The following USP38 variants were observed in gnomAD, a reference collection of about 807,000 sequenced individuals.
USP38 encodes ubiquitin specific peptidase 38, also known as ubiquitin carboxyl-terminal hydrolase 38.
A neutral mutation model predicts 94.3 loss-of-function variants in USP38; 49 were observed. The observed-to-expected ratio is 0.52, with a 90% confidence interval of 0.41 to 0.66. The LOEUF is 0.66. Ranked by LOEUF, USP38 falls within the 30% of genes least tolerant of loss-of-function variation. The pLI is 0.00. For missense variants in USP38, 1,128 were observed against 1,229.4 expected (o/e 0.92, Z 1.23); for synonymous variants, 468 against 463.6 (o/e 1.01, Z -0.12).
intron 9 of USP38, among the ~76,000 whole-genome samples, chr4:143,219,676 G>T (rs185689355): frequency 1.2e-4 from 18 of 152,110 alleles, no homozygotes; most frequent in African/African-American, 3.9e-4. Flanking sequence ...TTAGAATCCA[G>T]TTGTATACCT....
At chr4:143,207,450 A>G (rs1731901464) in intron 6 of USP38, among the ~76,000 whole-genome samples, 1 of 152,184 alleles carries the variant, frequency 6.6e-6, no homozygotes, top group Non-Finnish European at 1.5e-5. Context: ...AGGCAGGAGA[A>G]TCACTTGAAC....
At chr4:143,210,174 C>T (rs1471702274) in intron 7 of USP38, among the ~76,000 whole-genome samples, 1 of 152,076 alleles carries the variant, frequency 6.6e-6, no homozygotes, top group Non-Finnish European at 1.5e-5. Context: ...TCTTTTATGT[C>T]CACACATTAA....
intron 6 of USP38, among the ~76,000 whole-genome samples, chr4:143,208,872 G>A (rs1470658502): frequency 6.6e-6 from 1 of 150,552 alleles, no homozygotes; most frequent in East Asian, 1.9e-4. Flanking sequence ...TACTTCAGTA[G>A]TTTTGTATTT....
intron 6 of USP38, among the ~76,000 whole-genome samples, chr4:143,207,904 C>G (rs10026322): frequency 1.8e-3 from 274 of 152,092 alleles, no homozygotes; most frequent in African/African-American, 6.3e-3. Flanking sequence ...TATTTTATTT[C>G]TTAAGTAATA....
At chr4:143,186,827 T>C (rs1323865580) in intron 1 of USP38, among the ~76,000 whole-genome samples, 2 of 152,218 alleles carry the variant, frequency 1.3e-5, no homozygotes. Context: ...CCTTCGTTGT[T>C]CTGTCTTGGA....
At position 143,186,073 on chromosome 4, in the gene USP38, C is replaced by T; in HGVS notation, c.623C>T (p.Ala208Val). ...AACTTGCTGCAGAACATCTGGAAGG[C>T]CGAGCCTGCCACACTACTGCCTTCC... ...VSNLLQNIWK[A>V]EPATLLPSLQ... The change falls in exon 1 of 10, where the codon GCC (alanine) becomes GTC (valine). Residue 208 changes from alanine (A) to valine (V), a missense_variant. Coordinates refer to ENST00000307017, the MANE Select transcript of USP38 (RefSeq NM_032557.6). 1 of 1,614,180 alleles carries T rather than the reference C, an allele frequency of 6.2e-7. No individual in the cohort carries two copies. The highest frequency in any genetic ancestry group is 8.5e-7 in the Non-Finnish European group (1 of 1,180,032).
chr4:143,187,309 T>A (rs933496477), intron 1 of USP38, among the ~76,000 whole-genome samples: 1 of 152,162 alleles, frequency 6.6e-6, no homozygotes, highest in East Asian at 1.9e-4. Flanking sequence ...AGTTTTAAGT[T>A]ATTTTGGAGG....
chr4:143,216,309 AGTT>A (rs895425972), intron 9 of USP38, among the ~76,000 whole-genome samples: 15 of 152,118 alleles, frequency 9.9e-5, no homozygotes, highest in East Asian at 1.9e-4. Context: ...AGTTTTGTGC[AGTT>A]GTTCTAGATT....
At chr4:143,206,678 A>G (rs1364722150) in intron 6 of USP38, among the ~76,000 whole-genome samples, 3 of 152,226 alleles carry the variant, frequency 2.0e-5, no homozygotes, top group Non-Finnish European at 4.4e-5. Context: ...TTACAGAGTG[A>G]GAGTCAGTCT....
chr4:143,185,442 G>A lies in USP38; in HGVS notation c.-9G>A, dbSNP rs747862540. ...TATCCCCTGGCCCTGGCCTTGCAGC[G>A]TGGCGACAATGGACAAGATCCTGGA... On this transcript the variant is annotated 5_prime_UTR_variant, in exon 1 of 10. In the 5' UTR this introduces an upstream ATG that the reference lacks. Coordinates refer to ENST00000307017, the MANE Select transcript of USP38 (RefSeq NM_032557.6). 7.0e-6 allele frequency: 11 copies of A among 1,569,036 alleles called. No homozygotes were observed. Among genetic ancestry groups the A allele is most frequent in the Non-Finnish European group, 8.7e-6 (10 of 1,154,146 alleles).
chr4:143,205,266 G>A (rs1367975888), intron 5 of USP38, among the ~76,000 whole-genome samples: 1 of 152,104 alleles, frequency 6.6e-6, no homozygotes, highest in Non-Finnish European at 1.5e-5. Context: ...AAAATGAGAA[G>A]ATTGAAACTC....
At chr4:143,196,935 C>G (rs567713492) in intron 3 of USP38, among the ~76,000 whole-genome samples, 23 of 152,230 alleles carry the variant, frequency 1.5e-4, no homozygotes, top group Middle Eastern at 3.4e-3. Context: ...TCTACTGATA[C>G]CACCTTTAGA....
At position 143,209,615 on chromosome 4, in the gene USP38, G is replaced by GA. The variant is rs747417852; in HGVS notation, c.1461dup (p.Leu488IlefsTer23). ...ATCTAAATGGGTGCAATTCATTAAT[G>GA]AAAAAATTACAGCATCTTTTTGCCT... is the stretch of plus-strand genomic sequence containing the variant. On this transcript the variant is annotated frameshift_variant, in exon 7 of 10. Coordinates refer to ENST00000307017, the MANE Select transcript of USP38 (RefSeq NM_032557.6). LOFTEE classifies it high-confidence loss of function. The GA allele has an allele frequency of 6.2e-7, 1 of 1,608,842 alleles. No homozygotes were observed. The highest frequency in any genetic ancestry group is 8.5e-7 in the Non-Finnish European group (1 of 1,176,330).
chr4:143,220,239 A>G lies in USP38; in HGVS notation c.2968-56A>G, dbSNP rs1389875389. On this transcript the variant is annotated intron_variant, in intron 9 of 9. Transcript: ENST00000307017. Reference sequence around the variant, plus strand: ...GTTTTAAAATATTTCTATAGGTGATATAACGATCCATTGTATTTAGCATTT... The same window carrying G: ...GTTTTAAAATATTTCTATAGGTGATGTAACGATCCATTGTATTTAGCATTT... 5 of 1,507,442 alleles carry G rather than the reference A, an allele frequency of 3.3e-6. No homozygotes were observed. In the African/African-American group the frequency reaches 4.2e-5, roughly 13 times the overall value. The allele number at this position is 1,507,442 out of a possible 1,614,324, so 93.4% of individuals were successfully genotyped here.
intron 3 of USP38, among the ~76,000 whole-genome samples, chr4:143,197,161 C>T (rs1367371270): frequency 6.6e-6 from 1 of 152,218 alleles, no homozygotes; most frequent in Non-Finnish European, 1.5e-5. Flanking sequence ...AGCACACCAG[C>T]CTGAAGGCCT....
intron 2 of USP38, among the ~76,000 whole-genome samples, chr4:143,191,100 T>C (rs1731385395): frequency 6.6e-6 from 1 of 152,080 alleles, no homozygotes; most frequent in Admixed American, 6.5e-5. Flanking sequence ...ATACAGAAAA[T>C]GTAACTGAAA....
chr4:143,206,012 T>C (rs771900906), intron 5 of USP38, 21 bp from the exon 6 acceptor site: 1 of 1,475,724 alleles, frequency 6.8e-7, no homozygotes, highest in South Asian at 1.5e-5. Flanking sequence ...TTAAACTGTT[T>C]TTCTTCTTTA....
intron 2 of USP38, among the ~76,000 whole-genome samples, chr4:143,189,244 C>G (rs1404252704): frequency 3.3e-5 from 5 of 151,962 alleles, no homozygotes; most frequent in Admixed American, 3.3e-4. Context: ...TTCAAAGGTG[C>G]TCATCTGTAG....
intron 3 of USP38, 145 bp downstream of exon 3, chr4:143,195,990 ATT>A: frequency 1.3e-6 from 1 of 778,374 alleles, no homozygotes; most frequent in Non-Finnish European, 1.9e-6. Flanking sequence ...GGCTTTAGAA[ATT>A]TTTTTAAATG....
Sources: allele counts gnomAD v4.1 joint callset (sites outside exome capture counted in the v4.1 genomes callset), GRCh38; gene constraint gnomAD v4.1.1; transcripts MANE v1.5; gene names NCBI Gene and HGNC (gene_info 2026-07-23, HGNC 2026-07-21).